Variants in PSD3 observed in about 807,000 individuals in gnomAD.
PSD3 encodes pleckstrin and Sec7 domain containing 3, also known as PH and SEC7 domain-containing protein 3.
Under a neutral mutation model 105.5 loss-of-function variants are expected in PSD3, and 49 were observed. The ratio of observed to expected loss-of-function variants is 0.46; its 90% confidence interval spans 0.37 to 0.59. The LOEUF (loss-of-function observed/expected upper bound fraction) is 0.59, where lower values mean the gene tolerates loss of function less well. PSD3 is among the 20% of genes least tolerant of loss of function. The pLI, the probability that PSD3 is intolerant of heterozygous loss-of-function variation, is 0.00. For missense variants in PSD3, 1,561 were observed against 1,263.8 expected, an observed-to-expected ratio of 1.24 and a Z score of -3.57; for synonymous variants, 557 against 457.8, an observed-to-expected ratio of 1.22 and a Z score of -2.77.
At chr8:18,615,221 A>G (rs1187518483) in intron 11 of PSD3, among the ~76,000 whole-genome samples, 1 of 151,770 alleles carries the variant, frequency 6.6e-6, no homozygotes, top group Non-Finnish European at 1.5e-5. Flanking sequence ...TGCACCCTAC[A>G]TTCCAATCAC....
intron 10 of PSD3, among the ~76,000 whole-genome samples, chr8:18,649,108 G>C (rs1456709328): frequency 2.0e-5 from 3 of 152,192 alleles, no homozygotes; most frequent in African/African-American, 7.2e-5. Flanking sequence ...ATGGGTCACT[G>C]CTTAGTGGAG....
At chr8:18,683,975 G>C (rs771615447) in intron 9 of PSD3, 1 of 744,294 alleles carries the variant, frequency 1.3e-6, no homozygotes, top group Non-Finnish European at 2.5e-6. Context: ...AAATAAAAAG[G>C]CACTTTCCAA....
At chr8:18,821,553 A>T (rs1340892027) in intron 4 of PSD3, among the ~76,000 whole-genome samples, 2 of 152,024 alleles carry the variant, frequency 1.3e-5, no homozygotes, top group Non-Finnish European at 2.9e-5. Flanking sequence ...TTTCCTAACA[A>T]AACTGAATAA....
intron 1 of PSD3, among the ~76,000 whole-genome samples, chr8:18,948,787 T>C (rs1406686111): frequency 2.6e-5 from 4 of 152,136 alleles, no homozygotes; most frequent in African/African-American, 7.2e-5. Context: ...ATCCACTCTA[T>C]ATTTTTAAAA....
intron 1 of PSD3, among the ~76,000 whole-genome samples, chr8:18,954,442 G>A (rs544066426): frequency 6.6e-6 from 1 of 152,048 alleles, no homozygotes; most frequent in East Asian, 1.9e-4. Flanking sequence ...CATTTTACTT[G>A]TCAAGTGTTA....
chr8:18,582,019 G>C (rs1467112659), intron 12 of PSD3, among the ~76,000 whole-genome samples: 1 of 152,078 alleles, frequency 6.6e-6, no homozygotes, highest in Non-Finnish European at 1.5e-5. Flanking sequence ...CTGGGGGAAA[G>C]GAACAAAGAT....
chr8:19,018,611 C>T (rs1002463989), upstream of PSD3, among the ~76,000 whole-genome samples: 11 of 152,144 alleles, frequency 7.2e-5, no homozygotes, highest in African/African-American at 2.4e-4. Context: ...AGCACGCATG[C>T]GCTAATAAAT....
intron 9 of PSD3, among the ~76,000 whole-genome samples, chr8:18,764,006 C>T (rs950770407): frequency 1.3e-5 from 2 of 152,184 alleles, no homozygotes; most frequent in African/African-American, 2.4e-5. Context: ...CACGTTTACT[C>T]AAGGTGAACA....
intron 2 of PSD3, among the ~76,000 whole-genome samples, chr8:18,873,049 G>C (rs540631674): frequency 6.6e-6 from 1 of 152,234 alleles, no homozygotes; most frequent in African/African-American, 2.4e-5. Context: ...GCAAAAAGGG[G>C]TTACAATAAG....
chr8:18,614,342 C>G (rs939596962), intron 11 of PSD3, among the ~76,000 whole-genome samples: 1 of 148,934 alleles, frequency 6.7e-6, no homozygotes, highest in Non-Finnish European at 1.5e-5. Context: ...CTCCCCCATC[C>G]CCCCCCCAAA....
chr8:18,656,776 T>G (rs4921946), intron 9 of PSD3, among the ~76,000 whole-genome samples: 1 of 151,582 alleles, frequency 6.6e-6, no homozygotes, highest in Non-Finnish European at 1.5e-5. Context: ...CGACTATTCA[T>G]GACCATGATA....
intron 1 of PSD3, among the ~76,000 whole-genome samples, chr8:19,036,717 A>G (rs1377232811): frequency 6.6e-6 from 1 of 152,156 alleles, no homozygotes; most frequent in Non-Finnish European, 1.5e-5. Context: ...GACCAGATTC[A>G]TGAACCCCAG....
intron 1 of PSD3, among the ~76,000 whole-genome samples, chr8:18,984,785 A>T (rs139355877): frequency 0.011 from 1,686 of 152,282 alleles, 10 homozygotes; most frequent in Non-Finnish European, 0.015. Context: ...TGCCAACCTG[A>T]CTGTGGGGTA....
At chr8:18,613,211 C>T (rs1585388097) in intron 11 of PSD3, among the ~76,000 whole-genome samples, 1 of 152,090 alleles carries the variant, frequency 6.6e-6, no homozygotes, top group Non-Finnish European at 1.5e-5. Flanking sequence ...CCTAAAACAG[C>T]ATGAGGGATG....
intron 15 of PSD3, among the ~76,000 whole-genome samples, chr8:18,555,448 A>G (rs1801013580): frequency 6.6e-6 from 1 of 152,130 alleles, no homozygotes; most frequent in African/African-American, 2.4e-5. Flanking sequence ...ACAAAAAACA[A>G]CAGGTCAAAT....
At chr8:18,913,296 G>A (rs1179396546) in intron 2 of PSD3, among the ~76,000 whole-genome samples, 2 of 151,768 alleles carry the variant, frequency 1.3e-5, no homozygotes, top group East Asian at 3.9e-4. Flanking sequence ...TCTATCTCGG[G>A]TTGATTCTTC....
At chr8:18,556,661 C>T (rs1018193256) in intron 14 of PSD3, among the ~76,000 whole-genome samples, 12 of 152,236 alleles carry the variant, frequency 7.9e-5, no homozygotes, top group African/African-American at 2.2e-4. Context: ...GATGCCCTGA[C>T]AGGCATGTCA....
chr8:18,860,787 T>C (rs1046083235), intron 4 of PSD3, among the ~76,000 whole-genome samples: 1 of 152,190 alleles, frequency 6.6e-6, no homozygotes, highest in Non-Finnish European at 1.5e-5. Context: ...TGTACTGATA[T>C]ATGAATAAAA....
At chr8:18,580,936 C>T (rs1016542117) in intron 12 of PSD3, among the ~76,000 whole-genome samples, 2 of 152,172 alleles carry the variant, frequency 1.3e-5, no homozygotes, top group Non-Finnish European at 2.9e-5. Flanking sequence ...ATCTCTAGGG[C>T]AGTTCAGTTT....
Sources: allele counts gnomAD v4.1 joint callset (sites outside exome capture counted in the v4.1 genomes callset), GRCh38; gene constraint gnomAD v4.1.1; transcripts MANE v1.5; gene names NCBI Gene and HGNC (gene_info 2026-07-23, HGNC 2026-07-21).